Variants in APAF1 observed in about 807,000 individuals in gnomAD.
APAF1 encodes the protein apoptotic protease-activating factor 1.
Under a neutral mutation model 152.4 loss-of-function variants are expected in APAF1, and 91 were observed. The observed-to-expected ratio is 0.60, with a 90% confidence interval of 0.50 to 0.71. APAF1 has a LOEUF of 0.71. Among genes scored for constraint, APAF1 ranks in the 30% least tolerant of loss-of-function variants. The probability of loss-of-function intolerance (pLI) is 0.00; values close to 1 mark genes in which losing one functional copy is unlikely to be tolerated. For synonymous variants in APAF1, 484 were observed against 494.1 expected, an observed-to-expected ratio of 0.98 and a Z score of 0.27; for missense variants, 1,283 against 1,472.0, an observed-to-expected ratio of 0.87 and a Z score of 2.10.
chr12:98,655,421 C>G (rs1204399589), intron 4 of APAF1, among the ~76,000 whole-genome samples: 7 of 148,958 alleles, frequency 4.7e-5, no homozygotes, highest in African/African-American at 1.5e-4. Context: ...CAGAGGCGCC[C>G]CTCACCTCCC....
intron 19 of APAF1, among the ~76,000 whole-genome samples, chr12:98,707,711 T>TATATATAC (rs200051674): frequency 2.7e-5 from 4 of 149,996 alleles, no homozygotes; most frequent in East Asian, 1.9e-4. Context: ...TATATATATA[T>TATATATAC]ACATATAAAT....
At position 98,677,519 on chromosome 12, in the gene APAF1, A is replaced by G; in HGVS notation, c.1888A>G (p.Ile630Val). The G allele has an allele frequency of 6.2e-7, 1 of 1,614,212 alleles. No individual in the cohort carries two copies. Among genetic ancestry groups the G allele is most frequent in the Non-Finnish European group, 8.5e-7 (1 of 1,180,042 alleles). ...HACFSEDGQR[I>V]ASCGADKTLQ... ...CTGCTTTTCTGAGGATGGTCAGAGAATAGCTTCTTGTGGAGCTGATAAAAC... is the reference window on the plus strand; with the variant it reads ...CTGCTTTTCTGAGGATGGTCAGAGAGTAGCTTCTTGTGGAGCTGATAAAAC... The change falls in exon 13 of 27, where the codon ATA (isoleucine) becomes GTA (valine). Residue 630 changes from isoleucine (I) to valine (V), a missense_variant. Physicochemically the swap from Ile to Val is conservative, Grantham distance 29 (BLOSUM62 3). Coordinates refer to ENST00000551964, the MANE Select transcript of APAF1 (RefSeq NM_181861.2).
rs1051364562 is a variant in APAF1 at position 98,645,764 on chromosome 12, C to G, written c.-113C>G. 6.6e-6 allele frequency: 1 copy of G among 152,422 alleles called. No homozygotes were observed. Among genetic ancestry groups the G allele is most frequent in the Non-Finnish European group, 1.5e-5 (1 of 68,184 alleles). 9.4% of individuals were successfully genotyped at this position (152,422 alleles called of 1,614,324 possible). On this transcript the variant is annotated 5_prime_UTR_variant, in exon 1 of 27. Transcript: ENST00000551964. ...AAACTCCTGTTGCCGTTTCCCTCCA[C>G]CGGCCTGGAGTCTCCCAGTCTTGTC...
chr12:98,675,595 A>G (rs2097685629), intron 12 of APAF1, among the ~76,000 whole-genome samples: 1 of 152,222 alleles, frequency 6.6e-6, no homozygotes, highest in African/African-American at 2.4e-5. Context: ...TGGTATTACA[A>G]CTGTTTACAT....
rs184884198 is a variant in APAF1 at position 98,706,186 on chromosome 12, G to A, written c.2596-299G>A. Reference sequence around the variant, plus strand: ...TAACAATATATCCTAGAGATTTGTCGTCATCAAGGTGTTTTTCTCATTGTT... The same window carrying A: ...TAACAATATATCCTAGAGATTTGTCATCATCAAGGTGTTTTTCTCATTGTT... On this transcript the variant is annotated intron_variant, in intron 18 of 26. Coordinates refer to ENST00000551964, the MANE Select transcript of APAF1 (RefSeq NM_181861.2). Among the ~76,000 whole-genome samples, 97 of 152,000 alleles carry A rather than the reference G, an allele frequency of 6.4e-4. 1 individual carries two copies. The highest frequency in any genetic ancestry group is 1.7e-3 in the African/African-American group (71 of 41,438).
Position 98,677,693 on chromosome 12 carries a change from AG to A in APAF1, c.1920+144del, listed in dbSNP as rs1738157318. 5.0e-6 allele frequency: 5 copies of A among 994,430 alleles called. No homozygotes were observed. The African/African-American group carries it at 6.5e-5, about 13-fold the overall frequency. The allele number at this position is 994,430 out of a possible 1,614,324, so 61.6% of individuals were successfully genotyped here. A position where few individuals can be genotyped will look rare whatever the true frequency, so the allele number is the denominator to read the frequency against. ...CCAGCTCTCTTGAACATTTTATTAA[AG>A]GTTTCTCTAGAGATTTAAAAGATAC... is the stretch of plus-strand genomic sequence containing the variant. On this transcript the variant is annotated intron_variant, in intron 13 of 26. Transcript: ENST00000551964.
chr12:98,723,220 A>C lies in APAF1; in HGVS notation c.3112A>C (p.Ile1038Leu), dbSNP rs146238655. 1 of 1,613,556 alleles carries C rather than the reference A, an allele frequency of 6.2e-7. No individual in the cohort carries two copies. The highest frequency in any genetic ancestry group is 1.3e-5 in the African/African-American group (1 of 74,932). The change falls in exon 23 of 27, where the codon ATC (isoleucine) becomes CTC (leucine). Residue 1038 changes from isoleucine to leucine, a missense_variant. By Grantham distance (5) the Ile-to-Leu change is conservative (BLOSUM62 2). Transcript: ENST00000551964. Reference sequence around the variant, plus strand: ...ATGGAATTGGCAATTGGACAAATGTATCTTTCTACGAGGCCATCAGGAAAC... The same window carrying C: ...ATGGAATTGGCAATTGGACAAATGTCTCTTTCTACGAGGCCATCAGGAAAC... ...QVWNWQLDKC[I>L]FLRGHQETVK... is the part of the protein sequence containing the mutation.
chr12:98,681,803 C>G (rs2097692515), intron 14 of APAF1, among the ~76,000 whole-genome samples: 1 of 152,154 alleles, frequency 6.6e-6, no homozygotes. Flanking sequence ...TAATGAGTTT[C>G]TGTTTTCTAA....
At position 98,649,278 on chromosome 12, in the gene APAF1, T is replaced by G. The variant is rs1235007722; in HGVS notation, c.329-209T>G. On this transcript the variant is annotated intron_variant, in intron 3 of 26. Transcript: ENST00000551964. ...GATATAGATAGAAACTTCCATTTTCTTTAGTCATCTTGAAGGATATATGTT... is the reference window on the plus strand; with the variant it reads ...GATATAGATAGAAACTTCCATTTTCGTTAGTCATCTTGAAGGATATATGTT... 3.2e-6 allele frequency: 3 copies of G among 929,044 alleles called. No homozygotes were observed. In the African/African-American group the frequency reaches 5.4e-5, roughly 17 times the overall value. The allele number at this position is 929,044 out of a possible 1,614,324, so 57.6% of individuals were successfully genotyped here.
At chr12:98,674,796 A>G (rs1047954584) in intron 12 of APAF1, among the ~76,000 whole-genome samples, 11 of 152,222 alleles carry the variant, frequency 7.2e-5, no homozygotes, top group African/African-American at 2.4e-4. Flanking sequence ...ATAAACGTAT[A>G]GACATACATA....
chr12:98,692,513 G>T lies in APAF1; in HGVS notation c.2304+5640G>T, dbSNP rs373431163. Among the ~76,000 whole-genome samples, 8 of 152,310 alleles carry T rather than the reference G, an allele frequency of 5.3e-5. 1 individual carries two copies. Among genetic ancestry groups the T allele is most frequent in the East Asian group, 1.9e-4 (1 of 5,188 alleles). On this transcript the variant is annotated intron_variant, in intron 16 of 26. Coordinates refer to ENST00000551964, the MANE Select transcript of APAF1 (RefSeq NM_181861.2). Reference sequence around the variant, plus strand: ...TGGGTACAACTGGTCCTGTCATCCAGATAGCATAGTACCCAATAGGTGCCT... The same window carrying T: ...TGGGTACAACTGGTCCTGTCATCCATATAGCATAGTACCCAATAGGTGCCT...
chr12:98,726,794 T>A (rs2097751227), intron 25 of APAF1: 1 of 154,950 alleles, frequency 6.5e-6, no homozygotes, highest in Non-Finnish European at 1.4e-5. Flanking sequence ...TCTCCCTGAT[T>A]ATTCAGAATA....
At chr12:98,678,650 C>T (rs2097689079) in intron 13 of APAF1, among the ~76,000 whole-genome samples, 1 of 152,258 alleles carries the variant, frequency 6.6e-6, no homozygotes, top group African/African-American at 2.4e-5. Flanking sequence ...CATCCCTGTA[C>T]TCTTGGGGGA....
rs117359388 is a variant in APAF1 at position 98,687,611 on chromosome 12, G to A, written c.2304+738G>A. On this transcript the variant is annotated intron_variant, in intron 16 of 26. Transcript: ENST00000551964. The stretch of plus-strand genomic sequence containing the variant: ...CAGAGAAGGGAGAGAGTGAGGAGGC[G>A]GCTGAACTTATCCATTTATCAGGAA... 1.3e-3 allele frequency among the ~76,000 whole-genome samples: 205 copies of A among 152,066 alleles called. 4 individuals carry two copies. The East Asian group carries it at 0.033, about 24-fold the overall frequency.
chr12:98,724,797 T>G (rs2097748081), intron 24 of APAF1, among the ~76,000 whole-genome samples: 1 of 152,238 alleles, frequency 6.6e-6, no homozygotes, highest in South Asian at 2.1e-4. Flanking sequence ...TTTATCTTCT[T>G]GTACCACTAG....
intron 5 of APAF1, among the ~76,000 whole-genome samples, chr12:98,661,066 TA>T (rs1388683875): frequency 3.9e-5 from 6 of 152,196 alleles, no homozygotes; most frequent in Non-Finnish European, 8.8e-5. Context: ...CACGCCGGGC[TA>T]ATTTTTTGTA....
At position 98,703,439 on chromosome 12, in the gene APAF1, C is replaced by T. The variant is rs61742041; in HGVS notation, c.2535C>T (p.Tyr845=). ...CGGGCCATCACAGCACCATCCAGTA[C>T]TGTGACTTCTCCCCACAAAACCATT... ...IHTGHHSTIQ[Y]CDFSPQNHLA... Residue 845 remains tyrosine (Y), a synonymous_variant, in exon 18 of 27, where the codon TAC becomes TAT. Transcript: ENST00000551964. The T allele has an allele frequency of 1.2e-4, 186 of 1,614,158 alleles. 1 individual carries two copies. In the African/African-American group the frequency reaches 2.1e-3, roughly 18 times the overall value.
At chr12:98,683,399 T>C (rs575800230) in intron 15 of APAF1, 125 bp downstream of exon 15, 2 of 999,404 alleles carry the variant, frequency 2.0e-6, no homozygotes, top group African/African-American at 1.6e-5. Context: ...TACAATAATA[T>C]ATTAGCTGAA....
intron 4 of APAF1, among the ~76,000 whole-genome samples, chr12:98,658,125 A>C (rs866606433): frequency 6.6e-6 from 1 of 152,126 alleles, no homozygotes; most frequent in East Asian, 1.9e-4. Flanking sequence ...GATTGATGCT[A>C]CTGGAATGAT....
Sources: allele counts gnomAD v4.1 joint callset (sites outside exome capture counted in the v4.1 genomes callset), GRCh38; gene constraint gnomAD v4.1.1; transcripts MANE v1.5; gene names NCBI Gene and HGNC (gene_info 2026-07-23, HGNC 2026-07-21).